CHST9: variants seen among roughly 807,000 people sequenced by gnomAD.
CHST9 encodes GalNAc-4-sulfotransferase 2.
Under a neutral mutation model 44.4 loss-of-function variants are expected in CHST9, and 41 were observed. The ratio of observed to expected loss-of-function variants is 0.92; its 90% CI spans 0.72 to 1.20. The LOEUF is 1.20. CHST9 is among the 50% of genes most tolerant of loss of function. The pLI, the probability that CHST9 is intolerant of heterozygous loss-of-function variation, is 0.00. For missense variants in CHST9, 504 were observed against 516.5 expected, an observed-to-expected ratio of 0.98 and a Z score of 0.23; for synonymous variants, 171 against 178.4, an observed-to-expected ratio of 0.96 and a Z score of 0.33.
intron 4 of CHST9, among the ~76,000 whole-genome samples, chr18:26,950,050 C>T (rs1425787704): frequency 1.3e-5 from 2 of 152,174 alleles, no homozygotes; most frequent in Non-Finnish European, 2.9e-5. Context: ...AAGATGCATA[C>T]ATTTGTGTTG....
intron 5 of CHST9, among the ~76,000 whole-genome samples, chr18:26,938,695 A>G (rs960099009): frequency 1.3e-5 from 2 of 152,212 alleles, no homozygotes; most frequent in African/African-American, 4.8e-5. Context: ...CAAACCATTT[A>G]ATGTTCTGCA....
rs74506313 is a variant in CHST9 at position 27,180,274 on chromosome 18, T to A, written c.-97+4862A>T. Reference sequence around the variant, plus strand: ...TCATACAAGCGCTGACTTTACTATGTGTCTAGTGAAGTTATCCCTGAGCGT... The same window carrying A: ...TCATACAAGCGCTGACTTTACTATGAGTCTAGTGAAGTTATCCCTGAGCGT... On this transcript the variant is annotated intron_variant, in intron 1 of 5. Transcript: ENST00000618847. 2.8e-4 allele frequency among the ~76,000 whole-genome samples: 42 copies of A among 152,328 alleles called. No individual in the cohort carries two copies. The East Asian group carries it at 7.5e-3, about 27-fold the overall frequency.
chr18:26,924,983 G>A (rs2055737061), intron 5 of CHST9: 2 of 152,102 alleles, frequency 1.3e-5, no homozygotes, highest in Non-Finnish European at 2.9e-5. Flanking sequence ...TGGGCTGTGC[G>A]TTGGTGGTAT....
At chr18:27,171,841 G>A (rs1186216626) in intron 1 of CHST9, among the ~76,000 whole-genome samples, 1 of 152,042 alleles carries the variant, frequency 6.6e-6, no homozygotes, top group Non-Finnish European at 1.5e-5. Flanking sequence ...AGGTTTTATA[G>A]TTCTACTTTG....
intron 4 of CHST9, among the ~76,000 whole-genome samples, chr18:27,021,737 A>T (rs2057229026): frequency 6.6e-6 from 1 of 152,200 alleles, no homozygotes; most frequent in African/African-American, 2.4e-5. Context: ...CTATCTATAG[A>T]GCACACATGG....
At chr18:27,114,927 C>G (rs1180457367) in intron 2 of CHST9, among the ~76,000 whole-genome samples, 2 of 152,042 alleles carry the variant, frequency 1.3e-5, no homozygotes, top group Non-Finnish European at 2.9e-5. Flanking sequence ...CCCCATAATC[C>G]CCACGTGTCA....
intron 4 of CHST9, among the ~76,000 whole-genome samples, chr18:26,995,306 T>TG (rs1210863795): frequency 6.9e-6 from 1 of 144,084 alleles, no homozygotes; most frequent in Admixed American, 7.0e-5. Flanking sequence ...GGCGTGGTGG[T>TG]GGGCGCCTGT....
At chr18:27,125,079 A>AT (rs1567926882) in intron 2 of CHST9, among the ~76,000 whole-genome samples, 1 of 152,084 alleles carries the variant, frequency 6.6e-6, no homozygotes, top group East Asian at 1.9e-4. Flanking sequence ...CAAATTGAGG[A>AT]TTTTTTCTTT....
At chr18:27,099,114 G>T (rs1245629334) in intron 2 of CHST9, among the ~76,000 whole-genome samples, 1 of 152,134 alleles carries the variant, frequency 6.6e-6, no homozygotes, top group Non-Finnish European at 1.5e-5. Flanking sequence ...AATAAATGGT[G>T]TTGGGATGGC....
At chr18:27,134,388 CT>C (rs147177418) in intron 2 of CHST9, among the ~76,000 whole-genome samples, 12,983 of 152,160 alleles carry the variant, frequency 0.085, 584 homozygotes, top group South Asian at 0.14. Context: ...AAATCAGAAG[CT>C]TGCAGCTACT....
intron 3 of CHST9, among the ~76,000 whole-genome samples, chr18:27,042,081 T>C (rs906626128): frequency 2.0e-5 from 3 of 152,052 alleles, no homozygotes; most frequent in African/African-American, 7.2e-5. Context: ...AGGCAGAAAA[T>C]TGGTAGTTCA....
chr18:27,165,092 T>C (rs1296174474), intron 1 of CHST9, among the ~76,000 whole-genome samples: 3 of 152,000 alleles, frequency 2.0e-5, no homozygotes, highest in Admixed American at 2.0e-4. Context: ...GTGTAACAGG[T>C]GTAGAGAGCA....
chr18:27,168,586 A>G (rs1412577831), intron 1 of CHST9, among the ~76,000 whole-genome samples: 1 of 152,200 alleles, frequency 6.6e-6, no homozygotes, highest in African/African-American at 2.4e-5. Flanking sequence ...TTGAAGGAGC[A>G]AATCAAGAGT....
chr18:26,996,701 C>A (rs1487326419), intron 4 of CHST9, among the ~76,000 whole-genome samples: 1 of 152,126 alleles, frequency 6.6e-6, no homozygotes. Flanking sequence ...TAAAGTACTG[C>A]CTTGGATTAC....
At chr18:26,921,979 T>C (rs1031430316) in intron 5 of CHST9, among the ~76,000 whole-genome samples, 2 of 152,244 alleles carry the variant, frequency 1.3e-5, no homozygotes, top group East Asian at 1.9e-4. Flanking sequence ...TTACCCCCAA[T>C]TGGATATTCA....
chr18:27,033,540 T>A (rs2057361874), intron 3 of CHST9, among the ~76,000 whole-genome samples: 1 of 152,218 alleles, frequency 6.6e-6, no homozygotes, highest in Non-Finnish European at 1.5e-5. Context: ...TTTGGAAGGA[T>A]GTTTGCGTCA....
chr18:27,121,620 A>T (rs2058375301), intron 2 of CHST9, among the ~76,000 whole-genome samples: 1 of 152,214 alleles, frequency 6.6e-6, no homozygotes, highest in African/African-American at 2.4e-5. Context: ...AATAAAGATG[A>T]TAAAAGGCAG....
At chr18:26,975,635 T>A (rs2056608073) in intron 4 of CHST9, among the ~76,000 whole-genome samples, 1 of 133,534 alleles carries the variant, frequency 7.5e-6, no homozygotes, top group African/African-American at 2.8e-5. Flanking sequence ...TGAACAGTAT[T>A]CCAATGTATG....
At chr18:26,925,376 C>A (rs2055746980) in intron 5 of CHST9, among the ~76,000 whole-genome samples, 1 of 152,180 alleles carries the variant, frequency 6.6e-6, no homozygotes, top group South Asian at 2.1e-4. Context: ...GCTCATTTTA[C>A]AGATTAAGAA....
Sources: allele counts gnomAD v4.1 joint callset (sites outside exome capture counted in the v4.1 genomes callset), GRCh38; gene constraint gnomAD v4.1.1; transcripts MANE v1.5; gene names NCBI Gene and HGNC (gene_info 2026-07-23, HGNC 2026-07-21).